CLDN17: variants seen among roughly 807,000 people sequenced by gnomAD.
CLDN17 encodes the protein claudin 17, also known as claudin-17.
A neutral mutation model predicts 0.1 loss-of-function variants in CLDN17; 1 was observed. That is an observed-to-expected ratio of 8.90 (90% confidence interval 3.16 to 42.21). The LOEUF is 42.21. CLDN17 is among the 30% of genes most tolerant of loss of function. The pLI is 0.11. For missense variants in CLDN17, 294 were observed against 274.9 expected (o/e 1.07, Z -0.49); for synonymous variants, 134 against 106.7 (o/e 1.26, Z -1.58).
Position 30,166,179 on chromosome 21 carries a change from C to T in CLDN17, c.439G>A (p.Asp147Asn), listed in dbSNP as rs1360729495. The change falls in exon 1 of 1, where the codon GAT becomes AAT. Residue 147 changes from aspartate to asparagine, a missense_variant. Transcript: ENST00000286808. Reference sequence around the variant, plus strand: ...ATGTGGATGGCTGGGTTGTAGAAATCTCTGATGATTATATTGGCTGTCCAG... The same window carrying T: ...ATGTGGATGGCTGGGTTGTAGAAATTTCTGATGATTATATTGGCTGTCCAG... ...VSWTANIIIRDFYNPAIHIGQ... is the reference protein window; with the variant it reads ...VSWTANIIIRNFYNPAIHIGQ... 3.7e-6 allele frequency: 6 copies of T among 1,614,146 alleles called. No individual in the cohort carries two copies. The highest frequency in any genetic ancestry group is 5.1e-6 in the Non-Finnish European group (6 of 1,180,028).
chr21:30,166,030 T>C lies in CLDN17; in HGVS notation c.588A>G (p.Arg196=). ...GCACACGGTAGCCAGGCACTGGATA[T>C]CTGTACCCTTGCTTCTTTCTGTTGC... is the stretch of plus-strand genomic sequence containing the variant. The part of the protein sequence containing the change: ...CCCNRKKQGY[R]YPVPGYRVPH... Residue 196 remains arginine, a synonymous_variant, in exon 1 of 1, where the codon AGA becomes AGG. Coordinates refer to ENST00000286808, the MANE Select transcript of CLDN17 (RefSeq NM_012131.3). 1 of 1,614,186 alleles carries C rather than the reference T, an allele frequency of 6.2e-7. No individual in the cohort carries two copies. The highest frequency in any genetic ancestry group is 1.1e-5 in the South Asian group (1 of 91,086).
Position 30,166,011 on chromosome 21 carries a change from G to C in CLDN17, c.607C>G (p.Arg203Gly), listed in dbSNP as rs143848087. The C allele has an allele frequency of 6.2e-7, 1 of 1,614,170 alleles. No individual in the cohort carries two copies. The highest frequency in any genetic ancestry group is 1.1e-5 in the South Asian group (1 of 91,080). ...QGYRYPVPGYRVPHTDKRRNT... is the reference protein window; with the variant it reads ...QGYRYPVPGYGVPHTDKRRNT... Reference sequence around the variant, plus strand: ...CTTCGCTTATCTGTGTGTGGCACACGGTAGCCAGGCACTGGATATCTGTAC... The same window carrying C: ...CTTCGCTTATCTGTGTGTGGCACACCGTAGCCAGGCACTGGATATCTGTAC... Residue 203 changes from arginine (R) to glycine (G), a missense_variant, in exon 1 of 1, where the codon CGT becomes GGT. Coordinates refer to ENST00000286808, the MANE Select transcript of CLDN17 (RefSeq NM_012131.3).
At position 30,165,898 on chromosome 21, in the gene CLDN17, T is replaced by TA. The variant is rs756233700; in HGVS notation, c.*44dup. 6.5e-7 allele frequency: 1 copy of TA among 1,545,070 alleles called. No homozygotes were observed. Among genetic ancestry groups the TA allele is most frequent in the South Asian group, 1.2e-5 (1 of 83,408 alleles). On this transcript the variant is annotated 3_prime_UTR_variant, in exon 1 of 1. Transcript: ENST00000286808. ...ACTTACAGTTTCTAGCAGGACTTTATAAAAAACATTGACCATAGTCCATAC... is the reference window on the plus strand; with the variant it reads ...ACTTACAGTTTCTAGCAGGACTTTATAAAAAAACATTGACCATAGTCCATAC...
rs1980849806 is a variant in CLDN17, at chr21:30,166,387, C to T, written c.231G>A (p.Leu77=). The change falls in exon 1 of 1, where the codon CTG becomes CTA. Residue 77 remains leucine (L), a synonymous_variant. Coordinates refer to ENST00000286808, the MANE Select transcript of CLDN17 (RefSeq NM_012131.3). ...YSSLLALPPA[L]ETARALMCVA... ...CACACATGAGGGCCCGGGCTGTTTC[C>T]AGGGCAGGCGGGAGAGCCAACAAGG... 1.2e-6 allele frequency: 2 copies of T among 1,613,970 alleles called. No individual in the cohort carries two copies. Among genetic ancestry groups the T allele is most frequent in the Non-Finnish European group, 1.7e-6 (2 of 1,180,024 alleles).
At position 30,166,010 on chromosome 21, in the gene CLDN17, C is replaced by G. The variant is rs563734261; in HGVS notation, c.608G>C (p.Arg203Pro). 6.2e-7 allele frequency: 1 copy of G among 1,614,214 alleles called. No homozygotes were observed. Among genetic ancestry groups the G allele is most frequent in the Non-Finnish European group, 8.5e-7 (1 of 1,180,032 alleles). Residue 203 changes from arginine to proline, a missense_variant, in exon 1 of 1, where the codon CGT (arginine) becomes CCT (proline). Coordinates refer to ENST00000286808, the MANE Select transcript of CLDN17 (RefSeq NM_012131.3). ...TCTTCGCTTATCTGTGTGTGGCACACGGTAGCCAGGCACTGGATATCTGTA... is the reference window on the plus strand; with the variant it reads ...TCTTCGCTTATCTGTGTGTGGCACAGGGTAGCCAGGCACTGGATATCTGTA... ...QGYRYPVPGYRVPHTDKRRNT... is the reference protein window; with the variant it reads ...QGYRYPVPGYPVPHTDKRRNT...
chr21:30,165,968 C>G lies in CLDN17; in HGVS notation c.650G>C (p.Ser217Thr), dbSNP rs1460363484. 6.2e-7 allele frequency: 1 copy of G among 1,614,030 alleles called. No homozygotes were observed. The change falls in exon 1 of 1, where the codon AGT becomes ACT. Residue 217 changes from serine (S) to threonine (T), a missense_variant. By Grantham distance (58) the Ser-to-Thr change is moderately conservative. Coordinates refer to ENST00000286808, the MANE Select transcript of CLDN17 (RefSeq NM_012131.3). The stretch of plus-strand genomic sequence containing the variant: ...TTAGACATAACTGGTGGAGGTCTTA[C>G]TAAGCATTGTCGTATTTCTTCGCTT... Reference protein sequence around the residue: ...TDKRRNTTMLSKTSTSYV With the variant: ...TDKRRNTTMLTKTSTSYV
rs1980842094 is a variant in CLDN17, at chr21:30,166,185, T to G, written c.433A>C (p.Ile145Leu). The change falls in exon 1 of 1, where the codon ATC becomes CTC. Residue 145 changes from isoleucine (I) to leucine (L), a missense_variant. By Grantham distance (5) the Ile-to-Leu change is conservative (BLOSUM62 2). Coordinates refer to ENST00000286808, the MANE Select transcript of CLDN17 (RefSeq NM_012131.3). ...ATGGCTGGGTTGTAGAAATCTCTGATGATTATATTGGCTGTCCAGCTCACC... is the reference window on the plus strand; with the variant it reads ...ATGGCTGGGTTGTAGAAATCTCTGAGGATTATATTGGCTGTCCAGCTCACC... ...IPVSWTANIIIRDFYNPAIHI... is the reference protein window; with the variant it reads ...IPVSWTANIILRDFYNPAIHI... 9 of 1,614,134 alleles carry G rather than the reference T, an allele frequency of 5.6e-6. No homozygotes were observed. The highest frequency in any genetic ancestry group is 7.6e-6 in the Non-Finnish European group (9 of 1,180,012).
Position 30,166,085 on chromosome 21 carries a change from C to T in CLDN17, c.533G>A (p.Gly178Glu), listed in dbSNP as rs746985238. The T allele has an allele frequency of 6.2e-7, 1 of 1,614,088 alleles. No individual in the cohort carries two copies. The highest frequency in any genetic ancestry group is 8.5e-7 in the Non-Finnish European group (1 of 1,180,052). The change falls in exon 1 of 1, where the codon GGA becomes GAA. Residue 178 changes from glycine to glutamate, a missense_variant. Coordinates refer to ENST00000286808, the MANE Select transcript of CLDN17 (RefSeq NM_012131.3). ...GCAAAATCCACAAAGCAGACCCCCT[C>T]CAATGAAGAGGACAGCAGCGCTTGC... ...GWASAAVLFI[G>E]GGLLCGFCCC...
rs1178558405 is a variant in CLDN17 at position 30,165,953 on chromosome 21, C to G, written c.665G>C (p.Ser222Thr). The G allele has an allele frequency of 6.2e-7, 1 of 1,613,626 alleles. No individual in the cohort carries two copies. The highest frequency in any genetic ancestry group is 1.1e-5 in the South Asian group (1 of 91,028). Residue 222 changes from serine (S) to threonine (T), a missense_variant, in exon 1 of 1, where the codon AGT (serine) becomes ACT (threonine). Coordinates refer to ENST00000286808, the MANE Select transcript of CLDN17 (RefSeq NM_012131.3). ...NTTMLSKTSTSYV is the reference protein window; with the variant it reads ...NTTMLSKTSTTYV ...AGCCAAAAGGAGGCATTAGACATAA[C>G]TGGTGGAGGTCTTACTAAGCATTGT...
chr21:30,165,851 A>T lies in CLDN17; in HGVS notation c.*92T>A. On this transcript the variant is annotated 3_prime_UTR_variant, in exon 1 of 1. Transcript: ENST00000286808. The stretch of plus-strand genomic sequence containing the variant: ...CGTATCAATGTAAATCTAGACATAA[A>T]GCAAGTTCTCCTGCCTCACATACTT... 2 of 1,217,386 alleles carry T rather than the reference A, an allele frequency of 1.6e-6. No homozygotes were observed. The highest frequency in any genetic ancestry group is 2.9e-5 in the South Asian group (2 of 67,876). 75.4% of individuals were successfully genotyped at this position (1,217,386 alleles called of 1,614,324 possible). A position where few individuals can be genotyped will look rare whatever the true frequency, so the allele number is the denominator to read the frequency against.
chr21:30,166,377 G>C lies in CLDN17; in HGVS notation c.241C>G (p.Arg81Gly). The C allele has an allele frequency of 6.2e-7, 1 of 1,614,048 alleles. No homozygotes were observed. The highest frequency in any genetic ancestry group is 8.5e-7 in the Non-Finnish European group (1 of 1,180,006). Residue 81 changes from arginine to glycine, a missense_variant, in exon 1 of 1, where the codon CGG becomes GGG. Arg to Gly is a moderately radical substitution (Grantham distance 125). Coordinates refer to ENST00000286808, the MANE Select transcript of CLDN17 (RefSeq NM_012131.3). Reference protein sequence around the residue: ...LALPPALETARALMCVAVALS... With the variant: ...LALPPALETAGALMCVAVALS... ...GCAACAGCCACACACATGAGGGCCC[G>C]GGCTGTTTCCAGGGCAGGCGGGAGA...
Position 30,166,397 on chromosome 21 carries a change from G to A in CLDN17, c.221C>T (p.Pro74Leu), listed in dbSNP as rs753825399. 50 of 1,613,942 alleles carry A rather than the reference G, an allele frequency of 3.1e-5. 1 individual carries two copies. Among genetic ancestry groups the A allele is most frequent in the Non-Finnish European group, 3.1e-5 (36 of 1,180,012 alleles). Reference protein sequence around the residue: ...CKFYSSLLALPPALETARALM... With the variant: ...CKFYSSLLALLPALETARALM... ...GGCCCGGGCTGTTTCCAGGGCAGGC[G>A]GGAGAGCCAACAAGGAGCTATAGAA... Residue 74 changes from proline (P) to leucine (L), a missense_variant, in exon 1 of 1, where the codon CCG becomes CTG. Coordinates refer to ENST00000286808, the MANE Select transcript of CLDN17 (RefSeq NM_012131.3).
In CLDN17 at chr21:30,166,240, G is replaced by A. The variant is rs1191012730; in HGVS notation, c.378C>T (p.Phe126=). 5 of 1,614,160 alleles carry A rather than the reference G, an allele frequency of 3.1e-6. No homozygotes were observed. Among genetic ancestry groups the A allele is most frequent in the Non-Finnish European group, 4.2e-6 (5 of 1,180,024 alleles). ...TCAGAACGAAGATGCCCGTCAGGATGAAGAGGACTCCTGAAGTTCCCAGAA... is the reference window on the plus strand; with the variant it reads ...TCAGAACGAAGATGCCCGTCAGGATAAAGAGGACTCCTGAAGTTCCCAGAA... ...AYLLGTSGVL[F]ILTGIFVLIP... The change falls in exon 1 of 1, where the codon TTC becomes TTT. Residue 126 remains phenylalanine (F), a synonymous_variant. Coordinates refer to ENST00000286808, the MANE Select transcript of CLDN17 (RefSeq NM_012131.3).
chr21:30,166,415 C>T lies in CLDN17; in HGVS notation c.203G>A (p.Ser68Asn). 1.9e-6 allele frequency: 3 copies of T among 1,614,088 alleles called. No homozygotes were observed. Among genetic ancestry groups the T allele is most frequent in the East Asian group, 4.5e-5 (2 of 44,872 alleles). Residue 68 changes from serine to asparagine, a missense_variant, in exon 1 of 1, where the codon AGC becomes AAC. Ser to Asn is a conservative substitution (Grantham distance 46). Coordinates refer to ENST00000286808, the MANE Select transcript of CLDN17 (RefSeq NM_012131.3). ...ARVRLQCKFYSSLLALPPALE... is the reference protein window; with the variant it reads ...ARVRLQCKFYNSLLALPPALE... ...GGCAGGCGGGAGAGCCAACAAGGAG[C>T]TATAGAACTTGCATTGCAACCGGAC...
At position 30,166,420 on chromosome 21, in the gene CLDN17, G is replaced by A. The variant is rs563625822; in HGVS notation, c.198C>T (p.Phe66=). ...GCGGGAGAGCCAACAAGGAGCTATA[G>A]AACTTGCATTGCAACCGGACCCTGG... The part of the protein sequence containing the change: ...RQARVRLQCK[F]YSSLLALPPA... Residue 66 remains phenylalanine (F), a synonymous_variant, in exon 1 of 1, where the codon TTC becomes TTT. Coordinates refer to ENST00000286808, the MANE Select transcript of CLDN17 (RefSeq NM_012131.3). 4 of 1,614,076 alleles carry A rather than the reference G, an allele frequency of 2.5e-6. No individual in the cohort carries two copies. In the African/African-American group the frequency reaches 4.0e-5, roughly 16 times the overall value.
chr21:30,166,504 G>A lies in CLDN17; in HGVS notation c.114C>T (p.Ser38=), dbSNP rs1457202172. The A allele has an allele frequency of 6.2e-7, 1 of 1,614,126 alleles. No homozygotes were observed. The highest frequency in any genetic ancestry group is 1.3e-5 in the African/African-American group (1 of 75,028). ...PQWRVSAFVG[S]NIIVFERLWE... is the part of the protein sequence containing the mutation. Reference sequence around the variant, plus strand: ...AGAGCCTCTCAAAGACAATAATGTTGCTGCCAACAAAAGCTGATACTCTCC... The same window carrying A: ...AGAGCCTCTCAAAGACAATAATGTTACTGCCAACAAAAGCTGATACTCTCC... Residue 38 remains serine (S), a synonymous_variant, in exon 1 of 1, where the codon AGC becomes AGT. Coordinates refer to ENST00000286808, the MANE Select transcript of CLDN17 (RefSeq NM_012131.3).
In CLDN17 at chr21:30,166,284, C is replaced by T. The variant is rs770504734; in HGVS notation, c.334G>A (p.Glu112Lys). 10 of 1,614,000 alleles carry T rather than the reference C, an allele frequency of 6.2e-6. No individual in the cohort carries two copies. Among genetic ancestry groups the T allele is most frequent in the Non-Finnish European group, 5.9e-6 (7 of 1,180,036 alleles). The part of the protein sequence containing the change: ...MKQVQCTGSN[E>K]RAKAYLLGTS... ...CCCAGAAGGTATGCTTTGGCCCTCT[C>T]GTTAGAGCCTGTGCACTGGACCTGC... The change falls in exon 1 of 1, where the codon GAG becomes AAG. Residue 112 changes from glutamate (E) to lysine (K), a missense_variant. Coordinates refer to ENST00000286808, the MANE Select transcript of CLDN17 (RefSeq NM_012131.3).
In CLDN17 at chr21:30,166,043, T is replaced by A. The variant is rs1353376442; in HGVS notation, c.575A>T (p.Lys192Met). 6.2e-7 allele frequency: 1 copy of A among 1,614,222 alleles called. No homozygotes were observed. The highest frequency in any genetic ancestry group is 1.3e-5 in the African/African-American group (1 of 75,058). ...AGGCACTGGATATCTGTACCCTTGC[T>A]TCTTTCTGTTGCAGCAGCAAAATCC... The part of the protein sequence containing the change: ...LCGFCCCNRK[K>M]QGYRYPVPGY... The change falls in exon 1 of 1, where the codon AAG becomes ATG. Residue 192 changes from lysine (K) to methionine (M), a missense_variant. Coordinates refer to ENST00000286808, the MANE Select transcript of CLDN17 (RefSeq NM_012131.3).
Position 30,166,511 on chromosome 21 carries a change from A to G in CLDN17, c.107T>C (p.Val36Ala), listed in dbSNP as rs768429059. ...LLPQWRVSAF[V>A]GSNIIVFERL... ...CTCAAAGACAATAATGTTGCTGCCA[A>G]CAAAAGCTGATACTCTCCACTGAGG... The change falls in exon 1 of 1, where the codon GTT becomes GCT. Residue 36 changes from valine to alanine, a missense_variant. Physicochemically the swap from Val to Ala is moderately conservative, Grantham distance 64 (BLOSUM62 0). Transcript: ENST00000286808. 1.2e-6 allele frequency: 2 copies of G among 1,614,178 alleles called. No homozygotes were observed. The highest frequency in any genetic ancestry group is 1.7e-6 in the Non-Finnish European group (2 of 1,180,010).
Sources: allele counts gnomAD v4.1 joint callset, GRCh38; gene constraint gnomAD v4.1.1; transcripts MANE v1.5; gene names NCBI Gene and HGNC (gene_info 2026-07-23, HGNC 2026-07-21).